ZNF536: variants seen among roughly 807,000 people sequenced by gnomAD.
ZNF536 encodes zinc finger protein 536.
ZNF536 carries 13 observed loss-of-function variants against 84.5 expected under a neutral mutation model. The ratio of observed to expected loss-of-function variants is 0.15; its 90% CI spans 0.10 to 0.24. The LOEUF (loss-of-function observed/expected upper bound fraction) is 0.24, where lower values mean the gene tolerates loss of function less well. Among genes scored for constraint, ZNF536 ranks in the 10% least tolerant of loss-of-function variants. The pLI is 1.00. For synonymous variants in ZNF536, 811 were observed against 742.5 expected (o/e 1.09, Z -1.50); for missense variants, 1,536 against 1,747.5 (o/e 0.88, Z 2.16).
At chr19:30,564,769 T>A (rs879803233) in intron 1 of ZNF536, among the ~76,000 whole-genome samples, 1 of 152,244 alleles carries the variant, frequency 6.6e-6, no homozygotes, top group Non-Finnish European at 1.5e-5. Context: ...AGATGTTGTC[T>A]GTGGGAACTT....
intron 1 of ZNF536, among the ~76,000 whole-genome samples, chr19:30,608,148 T>C (rs1317254334): frequency 6.6e-6 from 1 of 152,234 alleles, no homozygotes; most frequent in Non-Finnish European, 1.5e-5. Flanking sequence ...TGGATTTGTT[T>C]GGAACAAGAT....
At chr19:30,635,395 A>C (rs1440886177) in intron 1 of ZNF536, among the ~76,000 whole-genome samples, 1 of 152,200 alleles carries the variant, frequency 6.6e-6, no homozygotes, top group Non-Finnish European at 1.5e-5. Flanking sequence ...TATTAACTTA[A>C]CAAAGAGAGG....
intron 2 of ZNF536, among the ~76,000 whole-genome samples, chr19:30,527,878 G>A (rs150912417): frequency 3.2e-3 from 484 of 152,252 alleles, no homozygotes; most frequent in African/African-American, 0.011. Flanking sequence ...CCTGGCATAC[G>A]TGGGCAAGGA....
At chr19:30,544,460 C>G (rs4303654) in intron 3 of ZNF536, among the ~76,000 whole-genome samples, 60,433 of 152,004 alleles carry the variant, frequency 0.4, 14,316 homozygotes, top group African/African-American at 0.67. Flanking sequence ...GCAGTGAGGG[C>G]CAAGGCCTAT....
intron 1 of ZNF536, among the ~76,000 whole-genome samples, chr19:30,433,801 G>A (rs2051589607): frequency 6.6e-6 from 1 of 152,154 alleles, no homozygotes; most frequent in Admixed American, 6.5e-5. Context: ...CTGGCCAACA[G>A]GAGCATTTTT....
chr19:30,455,711 A>G (rs1167961544), intron 2 of ZNF536, among the ~76,000 whole-genome samples: 1 of 152,202 alleles, frequency 6.6e-6, no homozygotes, highest in Non-Finnish European at 1.5e-5. Context: ...AAAAAGTATT[A>G]TCTTTTCTCT....
intron 2 of ZNF536, among the ~76,000 whole-genome samples, chr19:30,476,328 G>A (rs2053845468): frequency 6.6e-6 from 1 of 152,186 alleles, no homozygotes. Context: ...CTGGCATTTG[G>A]AATGAGAAAA....
At position 30,404,529 on chromosome 19, in the gene ZNF536, AAT is replaced by A. The variant is rs2050186975; in HGVS notation, c.-3+31976_-3+31977del. On this transcript the variant is annotated intron_variant, in intron 1 of 4. Coordinates refer to ENST00000355537, the MANE Select transcript of ZNF536 (RefSeq NM_014717.3). ...CCTCAGTTTCCTCAACCATAAAACG[AAT>A]ATGATAGTAGTAAAACTCACTGATA... 5.3e-5 allele frequency among the ~76,000 whole-genome samples: 8 copies of A among 152,346 alleles called. No homozygotes were observed. The South Asian group carries it at 1.0e-3, about 20-fold the overall frequency.
chr19:30,661,739 G>T (rs2050129487), intron 1 of ZNF536, among the ~76,000 whole-genome samples: 1 of 152,202 alleles, frequency 6.6e-6, no homozygotes, highest in East Asian at 1.9e-4. Context: ...GAAACACCAT[G>T]TAGCTATAAA....
chr19:30,438,367 T>TA (rs201711591), intron 1 of ZNF536, among the ~76,000 whole-genome samples: 234 of 151,834 alleles, frequency 1.5e-3, no homozygotes, highest in Middle Eastern at 0.01. Context: ...TGTGAAATTA[T>TA]AAAAAAAAAT....
At chr19:30,450,011 C>T (rs1258433878) in intron 2 of ZNF536, among the ~76,000 whole-genome samples, 4 of 138,828 alleles carry the variant, frequency 2.9e-5, no homozygotes, top group African/African-American at 1.1e-4. Flanking sequence ...CAAATCCAGG[C>T]ACCCAAAAGA....
At chr19:30,619,832 T>A (rs917180316) in intron 1 of ZNF536, among the ~76,000 whole-genome samples, 3 of 152,180 alleles carry the variant, frequency 2.0e-5, no homozygotes, top group African/African-American at 7.2e-5. Context: ...CCATAGAAGG[T>A]GTTCAGTAAA....
intron 2 of ZNF536, among the ~76,000 whole-genome samples, chr19:30,469,472 C>A (rs1449127065): frequency 6.6e-6 from 1 of 152,084 alleles, no homozygotes; most frequent in African/African-American, 2.4e-5. Context: ...GGCTTTATCA[C>A]ACCTCTGCTT....
chr19:30,287,670 GTGGATGGA>G (rs575229970), intron 2 of ZNF536, among the ~76,000 whole-genome samples: 28 of 63,194 alleles, frequency 4.4e-4, no homozygotes, highest in African/African-American at 2.2e-3. Context: ...GGATGGGTGG[GTGGATGGA>G]TGGATGGATG....
At chr19:30,654,840 AC>A (rs575666999) in intron 1 of ZNF536, among the ~76,000 whole-genome samples, 1 of 129,246 alleles carries the variant, frequency 7.7e-6, no homozygotes, top group South Asian at 2.8e-4. Context: ...CCCCCCACAC[AC>A]CCCCCCATGC....
chr19:30,350,197 T>C (rs1187383200), intron 2 of ZNF536, among the ~76,000 whole-genome samples: 1 of 152,228 alleles, frequency 6.6e-6, no homozygotes, highest in Non-Finnish European at 1.5e-5. Flanking sequence ...ATGAACATAT[T>C]TGCATGTTAT....
intron 2 of ZNF536, among the ~76,000 whole-genome samples, chr19:30,531,708 T>C (rs1449416535): frequency 6.6e-6 from 1 of 152,130 alleles, no homozygotes; most frequent in Non-Finnish European, 1.5e-5. Flanking sequence ...CATTGCAGCC[T>C]CGACCTCTCG....
At chr19:30,373,913 C>G (rs1600441948) in intron 1 of ZNF536, among the ~76,000 whole-genome samples, 2 of 152,192 alleles carry the variant, frequency 1.3e-5, no homozygotes, top group Non-Finnish European at 1.5e-5. Context: ...GCACGCGGCC[C>G]GGCCCCAGCC....
At position 30,348,827 on chromosome 19, in the gene ZNF536, T is replaced by A. The variant is rs1029548959; in HGVS notation, c.-119-3541T>A. Reference sequence around the variant, plus strand: ...TTTTTTTCTTTTCTTTTTTTTTTTTTATTTTCACGTGATCCCTGAGAGGCC... The same window carrying A: ...TTTTTTTCTTTTCTTTTTTTTTTTTAATTTTCACGTGATCCCTGAGAGGCC... On this transcript the variant is annotated intron_variant, in intron 2 of 5. Transcript: ENST00000585628. Among the ~76,000 whole-genome samples the A allele has an allele frequency of 1.5e-4, 22 of 151,064 alleles. No homozygotes were observed. The South Asian group carries it at 1.9e-3, about 13-fold the overall frequency.
Sources: gnomAD v4.1 joint callset for allele counts (sites outside exome capture counted in the v4.1 genomes callset) on GRCh38, gnomAD v4.1.1 for gene constraint, MANE v1.5 for transcripts, NCBI Gene and HGNC (gene_info 2026-07-23, HGNC 2026-07-21) for gene names.